The following PABPC4L variants were observed in gnomAD, a reference collection of about 807,000 sequenced individuals.
PABPC4L encodes poly(A) binding protein cytoplasmic 4 like.
For synonymous variants in PABPC4L, 169 were observed against 164.1 expected, an observed-to-expected ratio of 1.03 and a Z score of -0.23; for missense variants, 452 against 451.4, an observed-to-expected ratio of 1.00 and a Z score of -0.01.
chr4:134,163,689 G>A, the PABPC4L span, among the ~76,000 whole-genome samples: 2 of 152,228 alleles, frequency 1.3e-5, no homozygotes, highest in Non-Finnish European at 1.5e-5. Flanking sequence ...GATGGTTCAA[G>A]ATATGCAAGT....
chr4:134,013,897 TCCC>T, the PABPC4L span, among the ~76,000 whole-genome samples: 9,303 of 151,950 alleles, frequency 0.061, 411 homozygotes, highest in Non-Finnish European at 0.09. Flanking sequence ...TTTTATCACC[TCCC>T]CTCCTCACAC....
chr4:134,088,899 A>T, the PABPC4L span, among the ~76,000 whole-genome samples: 9 of 152,134 alleles, frequency 5.9e-5, no homozygotes, highest in Non-Finnish European at 8.8e-5. Flanking sequence ...TAAAAAATAG[A>T]ACTAGCACCT....
chr4:134,133,424 A>G, the PABPC4L span, among the ~76,000 whole-genome samples: 1 of 145,264 alleles, frequency 6.9e-6, no homozygotes, highest in African/African-American at 2.5e-5. Context: ...ATGGTATATT[A>G]TATGTATATA....
the PABPC4L span, among the ~76,000 whole-genome samples, chr4:134,132,386 T>A: frequency 6.6e-6 from 1 of 151,444 alleles, no homozygotes. Context: ...AACAATCTCA[T>A]CAAAAAGTGA....
At chr4:133,958,911 A>G in the PABPC4L span, among the ~76,000 whole-genome samples, 1 of 152,274 alleles carries the variant, frequency 6.6e-6, no homozygotes, top group East Asian at 1.9e-4. Context: ...AAGAAACTAA[A>G]CAAACAGACC....
the PABPC4L span, among the ~76,000 whole-genome samples, chr4:134,157,710 C>T: frequency 6.6e-6 from 1 of 151,780 alleles, no homozygotes; most frequent in Non-Finnish European, 1.5e-5. Context: ...ACTTCAATTG[C>T]ATTTGAGTAG....
chr4:134,073,800 T>A, the PABPC4L span, among the ~76,000 whole-genome samples: 1 of 152,290 alleles, frequency 6.6e-6, no homozygotes, highest in Non-Finnish European at 1.5e-5. Context: ...CACATGGAAT[T>A]TGCACCCTCT....
the PABPC4L span, among the ~76,000 whole-genome samples, chr4:134,035,867 T>A: frequency 6.6e-6 from 1 of 152,086 alleles, no homozygotes; most frequent in East Asian, 1.9e-4. Flanking sequence ...TCCTCTAATA[T>A]ATTTTCATTT....
At chr4:133,992,363 C>T in the PABPC4L span, among the ~76,000 whole-genome samples, 1 of 152,168 alleles carries the variant, frequency 6.6e-6, no homozygotes, top group Non-Finnish European at 1.5e-5. Flanking sequence ...AGTTGCATTG[C>T]CCAGTTTGAG....
rs554540902 is a variant in PABPC4L at position 134,200,721 on chromosome 4, A to G, written c.299T>C (p.Val100Ala). 6.4e-7 allele frequency: 1 copy of G among 1,551,702 alleles called. No homozygotes were observed. Among genetic ancestry groups the G allele is most frequent in the South Asian group, 1.2e-5 (1 of 84,062 alleles). The change falls in exon 2 of 2, where the codon GTA (valine) becomes GCA (alanine). Residue 100 changes from valine to alanine, a missense_variant. Val to Ala is a moderately conservative substitution (Grantham distance 64). Coordinates refer to ENST00000421491, the MANE Select transcript of PABPC4L (RefSeq NM_001114734.2). ...AYLRRSGIGNVFIKNLDKSID... is the reference protein window; with the variant it reads ...AYLRRSGIGNAFIKNLDKSID... ...AGATTTGTCCAGATTCTTGATGAAT[A>G]CGTTCCCAATTCCAGATCTCCTCAA...
chr4:134,114,835 C>T, the PABPC4L span, among the ~76,000 whole-genome samples: 2 of 151,882 alleles, frequency 1.3e-5, no homozygotes, highest in Non-Finnish European at 2.9e-5. Context: ...AAGTTAGAGT[C>T]ATTAAAATGA....
At chr4:134,078,852 G>A in the PABPC4L span, among the ~76,000 whole-genome samples, 1 of 148,352 alleles carries the variant, frequency 6.7e-6, no homozygotes, top group Non-Finnish European at 1.5e-5. Context: ...TTTTTTAGTC[G>A]AGACGGGGTT....
At chr4:133,995,276 C>T in the PABPC4L span, among the ~76,000 whole-genome samples, 6 of 152,166 alleles carry the variant, frequency 3.9e-5, no homozygotes, top group African/African-American at 1.2e-4. Flanking sequence ...ACTCCCTCTT[C>T]GTATGACCTG....
the PABPC4L span, among the ~76,000 whole-genome samples, chr4:134,158,217 T>G: frequency 2.0e-5 from 3 of 152,002 alleles, no homozygotes; most frequent in Non-Finnish European, 4.4e-5. Flanking sequence ...GATTATCCTT[T>G]CCATACACTT....
At chr4:134,149,343 G>C in the PABPC4L span, among the ~76,000 whole-genome samples, 1 of 152,174 alleles carries the variant, frequency 6.6e-6, no homozygotes, top group Non-Finnish European at 1.5e-5. Flanking sequence ...TTTAAACACT[G>C]GAATGAACTA....
the PABPC4L span, among the ~76,000 whole-genome samples, chr4:134,073,238 G>A: frequency 6.6e-6 from 1 of 152,280 alleles, no homozygotes; most frequent in Middle Eastern, 3.4e-3. Context: ...CAGGCATTGG[G>A]TAAATACACC....
the PABPC4L span, among the ~76,000 whole-genome samples, chr4:134,109,701 T>A: frequency 6.6e-6 from 1 of 151,896 alleles, no homozygotes; most frequent in Non-Finnish European, 1.5e-5. Flanking sequence ...ACAAGGAGAA[T>A]CTTGATATAA....
At chr4:134,052,526 A>G in the PABPC4L span, among the ~76,000 whole-genome samples, 16 of 152,180 alleles carry the variant, frequency 1.1e-4, no homozygotes, top group African/African-American at 3.9e-4. Context: ...AGAGGATATC[A>G]TTATGTGTTC....
At chr4:134,187,547 G>A in the PABPC4L span, among the ~76,000 whole-genome samples, 67 of 125,214 alleles carry the variant, frequency 5.4e-4, no homozygotes, top group Admixed American at 4.6e-3. Flanking sequence ...CTGTCGTGGG[G>A]TGGGGGGAGG....
Sources: gnomAD v4.1 joint callset for allele counts (sites outside exome capture counted in the v4.1 genomes callset) on GRCh38, gnomAD v4.1.1 for gene constraint, MANE v1.5 for transcripts, NCBI Gene and HGNC (gene_info 2026-07-23, HGNC 2026-07-21) for gene names.